The following MMD2 variants were observed in gnomAD, a reference collection of about 807,000 sequenced individuals.
MMD2 encodes monocyte to macrophage differentiation associated 2.
MMD2 carries 30 observed loss-of-function variants against 33.5 expected under a neutral mutation model. The ratio of observed to expected loss-of-function variants is 0.90; its 90% CI spans 0.67 to 1.22. MMD2 has a LOEUF of 1.22. Ranked by LOEUF, MMD2 falls within the 50% of genes most tolerant of loss-of-function variation. MMD2 has a pLI of 0.00. For synonymous variants in MMD2, 129 were observed against 123.0 expected, an observed-to-expected ratio of 1.05 and a Z score of -0.32; for missense variants, 364 against 325.4, an observed-to-expected ratio of 1.12 and a Z score of -0.91.
chr7:4,958,171 G>A (rs974724756), intron 1 of MMD2, among the ~76,000 whole-genome samples: 3 of 152,132 alleles, frequency 2.0e-5, no homozygotes, highest in African/African-American at 7.2e-5. Context: ...CCAGCAGACG[G>A]GTCTGTGCTC....
intron 4 of MMD2, among the ~76,000 whole-genome samples, chr7:4,913,535 T>C (rs1785065494): frequency 1.3e-5 from 2 of 151,822 alleles, no homozygotes; most frequent in African/African-American, 2.4e-5. Flanking sequence ...CTGGCCCAAA[T>C]GGTGAAACCC....
chr7:4,910,090 C>T (rs1583355899), intron 5 of MMD2, 140 bp from the exon 6 acceptor site: 1 of 1,576,392 alleles, frequency 6.3e-7, no homozygotes, highest in East Asian at 2.2e-5. Flanking sequence ...TCCAGCACGC[C>T]TTGGCTCAGA....
chr7:4,893,407 T>TA, the MMD2 span, among the ~76,000 whole-genome samples: 1 of 147,632 alleles, frequency 6.8e-6, no homozygotes, highest in Non-Finnish European at 1.5e-5. Context: ...TTTATTTATT[T>TA]TTGAGACAGA....
chr7:4,893,861 T>C, the MMD2 span, among the ~76,000 whole-genome samples: 2 of 152,158 alleles, frequency 1.3e-5, no homozygotes, highest in African/African-American at 4.8e-5. Flanking sequence ...TGGGAGTGTC[T>C]TTTAGCATGC....
intron 4 of MMD2, among the ~76,000 whole-genome samples, chr7:4,913,248 G>T (rs1251057298): frequency 6.6e-6 from 1 of 152,178 alleles, no homozygotes; most frequent in Non-Finnish European, 1.5e-5. Context: ...GAGAAAGGGT[G>T]AGAATTAAAG....
At chr7:4,950,421 C>T (rs1018071834) in intron 1 of MMD2, among the ~76,000 whole-genome samples, 3 of 151,992 alleles carry the variant, frequency 2.0e-5, no homozygotes, top group South Asian at 2.1e-4. Context: ...CTTATACCAC[C>T]GTCACCACCA....
At chr7:4,914,993 G>A (rs191719515) in intron 4 of MMD2, among the ~76,000 whole-genome samples, 2 of 152,152 alleles carry the variant, frequency 1.3e-5, no homozygotes, top group African/African-American at 4.8e-5. Context: ...TTAAAATGTG[G>A]CCATTGCAAT....
chr7:4,912,158 G>C (rs961385764), intron 4 of MMD2, among the ~76,000 whole-genome samples: 5 of 151,986 alleles, frequency 3.3e-5, no homozygotes, highest in African/African-American at 1.2e-4. Context: ...AAGAAGAACT[G>C]TTTTTACCAA....
rs893047933 is a variant in MMD2 at position 4,959,045 on chromosome 7, C to T, written c.-28G>A. 2 of 1,253,658 alleles carry T rather than the reference C, an allele frequency of 1.6e-6. No individual in the cohort carries two copies. The highest frequency in any genetic ancestry group is 2.0e-6 in the Non-Finnish European group (2 of 990,858). The allele number at this position is 1,253,658 out of a possible 1,614,324, so 77.7% of individuals were successfully genotyped here. On this transcript the variant is annotated 5_prime_UTR_variant, in exon 1 of 7. Transcript: ENST00000401401. ...CGGCGCTTCCATGGGAATCTGGCCC[C>T]GGGCTCAGAGCGCGGGTAGCTGGCA...
the MMD2 span, among the ~76,000 whole-genome samples, chr7:4,892,433 C>T: frequency 6.6e-6 from 1 of 151,680 alleles, no homozygotes; most frequent in African/African-American, 2.4e-5. Context: ...ACTAAAAATA[C>T]AAAAATTAGC....
At chr7:4,942,813 C>T (rs897545611) in intron 1 of MMD2, among the ~76,000 whole-genome samples, 6 of 151,628 alleles carry the variant, frequency 4.0e-5, no homozygotes, top group African/African-American at 1.5e-4. Flanking sequence ...GACAGGGTTT[C>T]ACCATGTTAG....
chr7:4,896,711 A>G, the MMD2 span, among the ~76,000 whole-genome samples: 1 of 152,202 alleles, frequency 6.6e-6, no homozygotes, highest in African/African-American at 2.4e-5. Flanking sequence ...AATTTATGAT[A>G]TGCAGTAATA....
At chr7:4,945,928 C>T (rs1468861700) in intron 1 of MMD2, among the ~76,000 whole-genome samples, 1 of 152,196 alleles carries the variant, frequency 6.6e-6, no homozygotes, top group Non-Finnish European at 1.5e-5. Flanking sequence ...GCAGAGAGCT[C>T]TGAAATTGGT....
chr7:4,948,235 C>T (rs887444429), intron 1 of MMD2, among the ~76,000 whole-genome samples: 1 of 152,076 alleles, frequency 6.6e-6, no homozygotes, highest in Admixed American at 6.6e-5. Context: ...TCTCAAAATC[C>T]ACATGTTGAG....
chr7:4,900,865 C>T, the MMD2 span, among the ~76,000 whole-genome samples: 3 of 152,118 alleles, frequency 2.0e-5, no homozygotes, highest in Non-Finnish European at 4.4e-5. Flanking sequence ...CTGGGCCGGG[C>T]GCAGTGGCTC....
At chr7:4,938,341 G>T (rs1037253181) in intron 1 of MMD2, among the ~76,000 whole-genome samples, 1 of 151,966 alleles carries the variant, frequency 6.6e-6, no homozygotes, top group African/African-American at 2.4e-5. Context: ...TCTTTAGGCT[G>T]GGAAGTCCAG....
intron 5 of MMD2, 109 bp downstream of exon 5, chr7:4,911,036 G>T: frequency 2.2e-6 from 2 of 922,398 alleles, no homozygotes; most frequent in Non-Finnish European, 1.7e-6. Context: ...CCAGAGCTGT[G>T]CTCTCACGAT....
the MMD2 span, among the ~76,000 whole-genome samples, chr7:4,899,059 G>T: frequency 0.014 from 2,142 of 152,164 alleles, 55 homozygotes; most frequent in African/African-American, 0.05. Context: ...TTCACGAATG[G>T]GATTAGTACC....
chr7:4,921,620 CA>C (rs1209184282), intron 2 of MMD2, among the ~76,000 whole-genome samples: 4,882 of 67,432 alleles, frequency 0.072, 263 homozygotes, highest in African/African-American at 0.2. Context: ...GACTCTGTCT[CA>C]AAAAAAAAAA....
Sources: allele counts gnomAD v4.1 joint callset (sites outside exome capture counted in the v4.1 genomes callset), GRCh38; gene constraint gnomAD v4.1.1; transcripts MANE v1.5; gene names NCBI Gene and HGNC (gene_info 2026-07-23, HGNC 2026-07-21).